RGS8: variants seen among roughly 807,000 people sequenced by gnomAD.
RGS8 encodes the protein regulator of G protein signaling 8.
RGS8 carries 8 observed loss-of-function variants against 21.7 expected under a neutral mutation model. That is an observed-to-expected ratio of 0.37 (90% CI 0.22 to 0.66). The LOEUF (loss-of-function observed/expected upper bound fraction) is 0.66, where lower values mean the gene tolerates loss of function less well. RGS8 is among the 30% of genes least tolerant of loss of function. The probability of loss-of-function intolerance (pLI) is 0.59; values close to 1 mark genes in which losing one functional copy is unlikely to be tolerated. For missense variants in RGS8, 157 were observed against 217.9 expected (o/e 0.72, Z 1.76); for synonymous variants, 80 against 83.6 (o/e 0.96, Z 0.24).
At chr1:182,744,059 A>G in the RGS8 span, among the ~76,000 whole-genome samples, 1 of 152,242 alleles carries the variant, frequency 6.6e-6, no homozygotes, top group African/African-American at 2.4e-5. Flanking sequence ...TCGTATTTCC[A>G]GTCCCAGAAC....
chr1:182,670,346 A>G (rs1337784053), intron 2 of RGS8, among the ~76,000 whole-genome samples: 1 of 152,260 alleles, frequency 6.6e-6, no homozygotes, highest in Non-Finnish European at 1.5e-5. Context: ...TTTCTTGCCC[A>G]TATGGAGCCT....
At chr1:182,749,163 G>C in the RGS8 span, among the ~76,000 whole-genome samples, 11 of 152,164 alleles carry the variant, frequency 7.2e-5, no homozygotes, top group Admixed American at 2.0e-4. Flanking sequence ...AAAAATCCTG[G>C]CCCAGACCAG....
At chr1:182,747,041 GTCTTTTTTTTTTTTTTT>G in the RGS8 span, among the ~76,000 whole-genome samples, 2 of 26,240 alleles carry the variant, frequency 7.6e-5, no homozygotes, top group Non-Finnish European at 1.1e-4. Context: ...AACACTGCTG[GTCTTTTTTTTTTTTTTT>G]TTTTTTTTTT....
At chr1:182,743,068 C>T in the RGS8 span, among the ~76,000 whole-genome samples, 1 of 152,142 alleles carries the variant, frequency 6.6e-6, no homozygotes, top group South Asian at 2.1e-4. Context: ...TAGTGTCAAT[C>T]TACTGGGAAG....
the RGS8 span, among the ~76,000 whole-genome samples, chr1:182,690,735 C>T: frequency 6.6e-6 from 1 of 152,170 alleles, no homozygotes; most frequent in Non-Finnish European, 1.5e-5. Context: ...ACAGCTGTGG[C>T]AGATTGTTGA....
the RGS8 span, among the ~76,000 whole-genome samples, chr1:182,689,851 A>G: frequency 6.6e-6 from 1 of 152,128 alleles, no homozygotes; most frequent in Admixed American, 6.5e-5. Flanking sequence ...ACACAATGAC[A>G]CTCATCACTC....
chr1:182,654,584 C>T (rs1054168188), intron 5 of RGS8, among the ~76,000 whole-genome samples: 3 of 152,080 alleles, frequency 2.0e-5, no homozygotes, highest in African/African-American at 4.8e-5. Context: ...CTAGTGTAAC[C>T]GACATTAAGT....
At chr1:182,656,202 T>G (rs952424745) in intron 5 of RGS8, among the ~76,000 whole-genome samples, 1 of 152,234 alleles carries the variant, frequency 6.6e-6, no homozygotes, top group Admixed American at 6.5e-5. Context: ...GAAGTGACTT[T>G]GCACACACAT....
chr1:182,685,431 G>T (rs1465996), upstream of RGS8, among the ~76,000 whole-genome samples: 1 of 152,198 alleles, frequency 6.6e-6, no homozygotes, highest in Non-Finnish European at 1.5e-5. Context: ...GGTTCACTGC[G>T]CAGGGCGGAG....
exon 7 of RGS8, chr1:182,646,883 C>T (rs762816545): frequency 6.2e-7 from 1 of 1,614,052 alleles, no homozygotes; most frequent in East Asian, 2.2e-5. Flanking sequence ...CAGGTTCTTC[C>T]TCGTGGCTTC....
At chr1:182,693,998 T>C in the RGS8 span, among the ~76,000 whole-genome samples, 1 of 152,066 alleles carries the variant, frequency 6.6e-6, no homozygotes, top group Non-Finnish European at 1.5e-5. Flanking sequence ...AGAGTGAGGA[T>C]AGTATCCAGT....
chr1:182,741,309 G>A, the RGS8 span, among the ~76,000 whole-genome samples: 2 of 7,636 alleles, frequency 2.6e-4, no homozygotes, highest in South Asian at 0.014. Flanking sequence ...CCGGGTGGGG[G>A]GCTGACCCCC....
At chr1:182,675,696 A>G (rs1664333919), upstream of RGS8, among the ~76,000 whole-genome samples, 1 of 152,008 alleles carries the variant, frequency 6.6e-6, no homozygotes. Context: ...CCATTACCTC[A>G]AGCTAAAAAT....
At chr1:182,685,048 A>G (rs538902543), upstream of RGS8, among the ~76,000 whole-genome samples, 3 of 151,970 alleles carry the variant, frequency 2.0e-5, no homozygotes, top group South Asian at 4.2e-4. Context: ...AGCAATGGCT[A>G]AGGCAATTTA....
At position 182,671,248 on chromosome 1, in the gene RGS8, A is replaced by C. The variant is rs1306363826; in HGVS notation, c.-104+409T>G. On this transcript the variant is annotated intron_variant, in intron 2 of 6. Coordinates refer to ENST00000483095, the Ensembl canonical transcript of RGS8. ...ATGCTCTCAACCACAGATGCCAATAAATAAGAATCAGCAGGACACTCTGAC... is the reference window on the plus strand; with the variant it reads ...ATGCTCTCAACCACAGATGCCAATACATAAGAATCAGCAGGACACTCTGAC... Among the ~76,000 whole-genome samples, 3 of 152,256 alleles carry C rather than the reference A, an allele frequency of 2.0e-5. No homozygotes were observed. In the East Asian group the frequency reaches 5.8e-4, roughly 29 times the overall value.
chr1:182,725,313 C>T, the RGS8 span, among the ~76,000 whole-genome samples: 21 of 152,318 alleles, frequency 1.4e-4, no homozygotes, highest in Admixed American at 1.2e-3. Context: ...CATGAAGTTA[C>T]TTGTTAAAAC....
intron 5 of RGS8, among the ~76,000 whole-genome samples, chr1:182,663,274 C>A (rs1230645441): frequency 6.6e-6 from 1 of 152,212 alleles, no homozygotes; most frequent in Non-Finnish European, 1.5e-5. Context: ...CAACATCCTT[C>A]AAGATAACCT....
the RGS8 span, among the ~76,000 whole-genome samples, chr1:182,742,364 G>A: frequency 2.8e-4 from 43 of 152,060 alleles, no homozygotes; most frequent in African/African-American, 1.0e-3. Context: ...TGCAATCTCG[G>A]CACTTTGGGA....
chr1:182,669,498 G>T, intron 3 of RGS8, 126 bp downstream of exon 4: 1 of 1,378,014 alleles, frequency 7.3e-7, no homozygotes, highest in Non-Finnish European at 1.0e-6. Context: ...GGCCTATGGG[G>T]ACAGATGAAA....
Sources: gnomAD v4.1 joint callset for allele counts (sites outside exome capture counted in the v4.1 genomes callset) on GRCh38, gnomAD v4.1.1 for gene constraint, MANE v1.5 for transcripts, NCBI Gene and HGNC (gene_info 2026-07-23, HGNC 2026-07-21) for gene names.